The following SHQ1 variants were observed in gnomAD, a reference collection of about 807,000 sequenced individuals.
SHQ1 encodes the protein protein SHQ1 homolog.
Under a neutral mutation model 53.8 loss-of-function variants are expected in SHQ1, and 49 were observed. The observed-to-expected ratio is 0.91, with a 90% CI of 0.72 to 1.16. SHQ1 has a LOEUF of 1.16. Ranked by LOEUF, SHQ1 falls within the 50% of genes most tolerant of loss-of-function variation. SHQ1 has a pLI of 0.00. For synonymous variants in SHQ1, 243 were observed against 251.0 expected, an observed-to-expected ratio of 0.97 and a Z score of 0.30; for missense variants, 738 against 683.1, an observed-to-expected ratio of 1.08 and a Z score of -0.90.
At chr3:72,805,672 T>C (rs1045037581) in intron 9 of SHQ1, among the ~76,000 whole-genome samples, 1 of 151,824 alleles carries the variant, frequency 6.6e-6, no homozygotes, top group Non-Finnish European at 1.5e-5. Flanking sequence ...TTAAATTGTA[T>C]GTAATATTTA....
At position 72,753,378 on chromosome 3, in the gene SHQ1, A is replaced by T. The variant is rs930947364; in HGVS notation, c.1182-2542T>A. The T allele has an allele frequency of 1.9e-5, 19 of 985,446 alleles. No homozygotes were observed. In the African/African-American group the frequency reaches 3.0e-4, roughly 15 times the overall value. The allele number at this position is 985,446 out of a possible 1,614,324, so 61.0% of individuals were successfully genotyped here. ...GATGGTACAATGGGAAATACCGAACAAAGATGGTATTTTAATCTGGGTGCC... is the reference window on the plus strand; with the variant it reads ...GATGGTACAATGGGAAATACCGAACTAAGATGGTATTTTAATCTGGGTGCC... On this transcript the variant is annotated intron_variant, in intron 10 of 10. Coordinates refer to ENST00000325599, the MANE Select transcript of SHQ1 (RefSeq NM_018130.3).
intron 10 of SHQ1, among the ~76,000 whole-genome samples, chr3:72,788,155 G>A (rs1412823325): frequency 2.6e-5 from 4 of 151,966 alleles, no homozygotes; most frequent in Non-Finnish European, 5.9e-5. Context: ...TAAGTGAGGA[G>A]CGTCTCTGCC....
chr3:72,811,064 C>T (rs572396878), intron 9 of SHQ1, among the ~76,000 whole-genome samples: 2 of 152,240 alleles, frequency 1.3e-5, no homozygotes, highest in East Asian at 3.9e-4. Context: ...TCAAGGCAAT[C>T]GAATTTATTT....
intron 10 of SHQ1, among the ~76,000 whole-genome samples, chr3:72,755,952 G>A (rs1196883836): frequency 1.3e-5 from 2 of 152,218 alleles, no homozygotes; most frequent in Non-Finnish European, 2.9e-5. Context: ...GCTCTGGAGT[G>A]CAGTGGTGCA....
chr3:72,744,930 G>T (rs188118322), downstream of SHQ1, among the ~76,000 whole-genome samples: 2 of 134,694 alleles, frequency 1.5e-5, no homozygotes, highest in African/African-American at 2.7e-5. Flanking sequence ...CATTGGGGGG[G>T]GGGGGTGGTT....
At chr3:72,793,367 C>T (rs1212363707) in intron 9 of SHQ1, 1 of 170,984 alleles carries the variant, frequency 5.8e-6, no homozygotes, top group South Asian at 1.5e-4. Context: ...ATTAGCCAGG[C>T]GTGGTGACAG....
chr3:72,793,910 A>C (rs563245838), intron 9 of SHQ1: 10 of 152,356 alleles, frequency 6.6e-5, no homozygotes, highest in Non-Finnish European at 1.5e-4. Context: ...AGCCTTGTTC[A>C]ACCTAACTAC....
At chr3:72,733,434 G>GAA in the SHQ1 span, among the ~76,000 whole-genome samples, 9 of 149,376 alleles carry the variant, frequency 6.0e-5, no homozygotes, top group African/African-American at 2.2e-4. Context: ...ACAAAATAAT[G>GAA]AAAAAAAACC....
chr3:72,772,082 T>C (rs1705865289), intron 10 of SHQ1, among the ~76,000 whole-genome samples: 1 of 152,212 alleles, frequency 6.6e-6, no homozygotes, highest in Non-Finnish European at 1.5e-5. Flanking sequence ...CTGGCTGCAT[T>C]ACAGATAGTC....
chr3:72,841,133 G>T lies in SHQ1; in HGVS notation c.398C>A (p.Pro133His). 1 of 1,613,702 alleles carries T rather than the reference G, an allele frequency of 6.2e-7. No individual in the cohort carries two copies. Residue 133 changes from proline to histidine, a missense_variant, in exon 4 of 11, where the codon CCC (proline) becomes CAC (histidine). Coordinates refer to ENST00000325599, the MANE Select transcript of SHQ1 (RefSeq NM_018130.3). ...AGCACTTTCTGATACCTCTTCACAG[G>T]GTGTCTGCTCAATTTCCCAATCAAA... ...EEFDWEIEQT[P>H]CEEVSESALN...
chr3:72,807,739 G>C (rs960169998), intron 9 of SHQ1, among the ~76,000 whole-genome samples: 10 of 152,122 alleles, frequency 6.6e-5, no homozygotes, highest in Admixed American at 2.0e-4. Flanking sequence ...TTAAAAAATT[G>C]ATCAGTCACA....
At chr3:72,831,765 T>A (rs1042420429) in intron 5 of SHQ1, among the ~76,000 whole-genome samples, 3 of 152,244 alleles carry the variant, frequency 2.0e-5, no homozygotes, top group African/African-American at 7.2e-5. Flanking sequence ...GTTAATTAGA[T>A]AAGTTCTTTA....
At chr3:72,764,891 G>A (rs1349114593) in intron 10 of SHQ1, among the ~76,000 whole-genome samples, 5 of 152,198 alleles carry the variant, frequency 3.3e-5, no homozygotes, top group Admixed American at 6.5e-5. Context: ...GGATGGGAAT[G>A]GTGGGAGGTT....
chr3:72,775,760 A>G (rs942654843), intron 10 of SHQ1, among the ~76,000 whole-genome samples: 1 of 152,218 alleles, frequency 6.6e-6, no homozygotes, highest in Non-Finnish European at 1.5e-5. Context: ...TACACATGCC[A>G]TTCATTACAT....
intron 9 of SHQ1, among the ~76,000 whole-genome samples, chr3:72,810,476 T>A (rs948848926): frequency 2.0e-5 from 3 of 152,220 alleles, no homozygotes; most frequent in African/African-American, 7.2e-5. Flanking sequence ...GAAGCATTCC[T>A]ACATTGGTTT....
intron 10 of SHQ1, among the ~76,000 whole-genome samples, chr3:72,754,452 G>C (rs945155475): frequency 6.6e-6 from 1 of 151,700 alleles, no homozygotes; most frequent in African/African-American, 2.4e-5. Flanking sequence ...CACGATCTCG[G>C]CTCACCACAA....
rs115653068 is a variant in SHQ1, at chr3:72,817,729, A to C, written c.728-345T>G. On this transcript the variant is annotated intron_variant, in intron 6 of 10. Coordinates refer to ENST00000325599, the MANE Select transcript of SHQ1 (RefSeq NM_018130.3). Reference sequence around the variant, plus strand: ...TACATTTTGACAACAGAAAGTGCTAAATAAAGCACACTGAAAATATTCGTT... The same window carrying C: ...TACATTTTGACAACAGAAAGTGCTACATAAAGCACACTGAAAATATTCGTT... Among the ~76,000 whole-genome samples the C allele has an allele frequency of 5.6e-3, 841 of 150,924 alleles. 10 individuals carry two copies. Among genetic ancestry groups the C allele is most frequent in the African/African-American group, 0.02 (811 of 40,382 alleles).
At chr3:72,826,839 C>T (rs966693102) in intron 5 of SHQ1, among the ~76,000 whole-genome samples, 8 of 152,164 alleles carry the variant, frequency 5.3e-5, no homozygotes, top group African/African-American at 1.9e-4. Flanking sequence ...TAGTGGCAAC[C>T]ACCTTGTAAG....
chr3:72,824,518 C>A lies in SHQ1; in HGVS notation c.633G>T (p.Gln211His). ...ADFFEDEAIE[Q>H]ILKYNPWWTD... ...TCCACCAAGGATTATACTTCAAAAT[C>A]TGTTCAATCGCCTCATCTTCAAAAA... The change falls in exon 6 of 11, where the codon CAG becomes CAT. Residue 211 changes from glutamine (Q) to histidine (H), a missense_variant. Coordinates refer to ENST00000325599, the MANE Select transcript of SHQ1 (RefSeq NM_018130.3). The A allele has an allele frequency of 6.2e-7, 1 of 1,611,412 alleles. No homozygotes were observed. The highest frequency in any genetic ancestry group is 8.5e-7 in the Non-Finnish European group (1 of 1,179,124).
Sources: gnomAD v4.1 joint callset for allele counts (sites outside exome capture counted in the v4.1 genomes callset) on GRCh38, gnomAD v4.1.1 for gene constraint, MANE v1.5 for transcripts, NCBI Gene and HGNC (gene_info 2026-07-23, HGNC 2026-07-21) for gene names.